The following GRID1 variants were observed in gnomAD, a reference collection of about 807,000 sequenced individuals.
GRID1 encodes the protein glutamate ionotropic receptor delta type subunit 1, also known as glutamate receptor ionotropic, delta-1.
In GRID1, 28 loss-of-function variants were observed where a neutral mutation model predicts 98.0. The observed-to-expected ratio is 0.29, with a 90% CI of 0.21 to 0.39. The LOEUF (loss-of-function observed/expected upper bound fraction) is 0.39. GRID1 is among the 10% of genes least tolerant of loss of function. GRID1 has a pLI of 1.00. For missense variants in GRID1, 1,111 were observed against 1,340.5 expected, an observed-to-expected ratio of 0.83 and a Z score of 2.67; for synonymous variants, 553 against 538.5, an observed-to-expected ratio of 1.03 and a Z score of -0.37.
chr10:86,013,812 T>A (rs1302595488), intron 4 of GRID1, among the ~76,000 whole-genome samples: 1 of 152,230 alleles, frequency 6.6e-6, no homozygotes, highest in Non-Finnish European at 1.5e-5. Context: ...AGTGCCTTGA[T>A]AAGATACGTG....
At chr10:86,328,426 T>C (rs895271762) in intron 2 of GRID1, among the ~76,000 whole-genome samples, 1 of 152,164 alleles carries the variant, frequency 6.6e-6, no homozygotes, top group African/African-American at 2.4e-5. Context: ...GAAGACAAAA[T>C]TGAGTGAATG....
intron 8 of GRID1, among the ~76,000 whole-genome samples, chr10:85,838,314 C>T (rs1232288605): frequency 6.6e-6 from 1 of 152,020 alleles, no homozygotes; most frequent in Non-Finnish European, 1.5e-5. Flanking sequence ...GTAGAGAACC[C>T]CAGTCAGATA....
At chr10:85,798,199 G>T (rs907158530) in intron 8 of GRID1, among the ~76,000 whole-genome samples, 1 of 152,196 alleles carries the variant, frequency 6.6e-6, no homozygotes, top group African/African-American at 2.4e-5. Flanking sequence ...ATTATTGTCA[G>T]TTTGAAGGCA....
At chr10:86,257,531 C>G (rs912111946) in intron 2 of GRID1, among the ~76,000 whole-genome samples, 2 of 152,134 alleles carry the variant, frequency 1.3e-5, no homozygotes, top group Non-Finnish European at 2.9e-5. Flanking sequence ...TACCTTTAAG[C>G]TTAATATAAG....
intron 2 of GRID1, among the ~76,000 whole-genome samples, chr10:86,293,173 C>G (rs1564730911): frequency 6.6e-6 from 1 of 152,208 alleles, no homozygotes; most frequent in Admixed American, 6.5e-5. Context: ...GGGTCTTCCT[C>G]GAGCTCCAAC....
chr10:86,276,668 T>C (rs1847274895), intron 2 of GRID1, among the ~76,000 whole-genome samples: 1 of 152,060 alleles, frequency 6.6e-6, no homozygotes, highest in Non-Finnish European at 1.5e-5. Flanking sequence ...TTTTGTAGTT[T>C]TAGTAGAGAC....
intron 13 of GRID1, among the ~76,000 whole-genome samples, chr10:85,636,187 G>C (rs992317220): frequency 2.0e-5 from 3 of 152,168 alleles, no homozygotes; most frequent in Admixed American, 6.5e-5. Flanking sequence ...AAGACCCCGG[G>C]TAAAATAAGA....
intron 2 of GRID1, among the ~76,000 whole-genome samples, chr10:86,359,617 CCT>C (rs1848576025): frequency 1.3e-5 from 2 of 152,174 alleles, no homozygotes; most frequent in African/African-American, 4.8e-5. Flanking sequence ...CTTTTTTCTG[CCT>C]CTTTCCTAAA....
chr10:85,739,251 C>T (rs997098757), intron 8 of GRID1, among the ~76,000 whole-genome samples: 11 of 152,026 alleles, frequency 7.2e-5, no homozygotes, highest in Non-Finnish European at 1.6e-4. Flanking sequence ...AAACGATGAC[C>T]TATTGGCAAG....
At chr10:85,845,025 C>A (rs907544061) in intron 8 of GRID1, among the ~76,000 whole-genome samples, 2 of 151,328 alleles carry the variant, frequency 1.3e-5, no homozygotes, top group African/African-American at 4.8e-5. Flanking sequence ...CTTCTGATAT[C>A]AAGAACAAAA....
chr10:85,624,969 T>C (rs1372637958), intron 13 of GRID1, among the ~76,000 whole-genome samples: 2 of 152,200 alleles, frequency 1.3e-5, no homozygotes, highest in Non-Finnish European at 2.9e-5. Context: ...TAACAGATAG[T>C]AATATAAAGA....
intron 2 of GRID1, among the ~76,000 whole-genome samples, chr10:86,241,546 C>A (rs868783427): frequency 2.0e-5 from 3 of 152,278 alleles, no homozygotes; most frequent in Non-Finnish European, 4.4e-5. Context: ...AACTCCCCCC[C>A]ACCGCTATCT....
chr10:85,793,036 A>G (rs1258608922), intron 8 of GRID1, among the ~76,000 whole-genome samples: 1 of 151,974 alleles, frequency 6.6e-6, no homozygotes, highest in Non-Finnish European at 1.5e-5. Context: ...TCATGATACA[A>G]CTTCTGGCAA....
chr10:85,735,532 T>C (rs1305699272), intron 8 of GRID1, among the ~76,000 whole-genome samples: 3 of 152,160 alleles, frequency 2.0e-5, no homozygotes, highest in Non-Finnish European at 2.9e-5. Context: ...TTCTGAGTTG[T>C]AAGATGTGGG....
intron 12 of GRID1, among the ~76,000 whole-genome samples, chr10:85,668,677 C>T (rs1048092691): frequency 6.6e-6 from 1 of 152,228 alleles, no homozygotes; most frequent in African/African-American, 2.4e-5. Flanking sequence ...TCTGCCAGGA[C>T]TCTGCCCACA....
At chr10:86,109,070 T>G (rs866894403) in intron 4 of GRID1, among the ~76,000 whole-genome samples, 4 of 152,222 alleles carry the variant, frequency 2.6e-5, no homozygotes, top group African/African-American at 9.6e-5. Flanking sequence ...CGACCTTTTC[T>G]TCTGTTCTCC....
rs769328937 is a variant in GRID1 at position 85,916,259 on chromosome 10, G to A, written c.727-20C>T. 5 of 1,590,994 alleles carry A rather than the reference G, an allele frequency of 3.1e-6. No individual in the cohort carries two copies. The highest frequency in any genetic ancestry group is 1.7e-5 in the Admixed American group (1 of 59,992). On this transcript the variant is annotated intron_variant, in intron 4 of 15. Transcript: ENST00000327946. This position sits in a 1 kb window ranked among gnomAD's most constrained non-coding sequence, Gnocchi z 4.0. ...CACGGCCTGCAGAGAGAAAAAGAAC[G>A]AACATGAACAGAAGCAAGACAGAAG...
chr10:86,283,627 CAT>C (rs1189449186), intron 2 of GRID1, among the ~76,000 whole-genome samples: 1 of 151,878 alleles, frequency 6.6e-6, no homozygotes, highest in Admixed American at 6.6e-5. Context: ...CCTGCATACA[CAT>C]ATCTGCCCTC....
At chr10:86,315,803 T>C (rs1847891563) in intron 2 of GRID1, among the ~76,000 whole-genome samples, 1 of 151,686 alleles carries the variant, frequency 6.6e-6, no homozygotes, top group South Asian at 2.1e-4. Context: ...TATCCAACCA[T>C]CCCCAACCTC....
Sources: allele counts gnomAD v4.1 joint callset (sites outside exome capture counted in the v4.1 genomes callset), GRCh38; gene constraint gnomAD v4.1.1; non-coding constraint Gnocchi (gnomAD v3.1); transcripts MANE v1.5; gene names NCBI Gene and HGNC (gene_info 2026-07-23, HGNC 2026-07-21).